The following TSPEAR variants were observed in gnomAD, a reference collection of about 807,000 sequenced individuals.
The protein encoded by TSPEAR is thrombospondin-type laminin G domain and EAR repeat-containing protein.
A neutral mutation model predicts 71.6 loss-of-function variants in TSPEAR; 69 were observed. The observed-to-expected ratio is 0.96, with a 90% CI of 0.79 to 1.18. The LOEUF (loss-of-function observed/expected upper bound fraction) is 1.18. TSPEAR is among the 50% of genes most tolerant of loss of function. The probability of loss-of-function intolerance (pLI) is 0.00; values close to 1 mark genes in which losing one functional copy is unlikely to be tolerated. For synonymous variants in TSPEAR, 402 were observed against 387.2 expected (o/e 1.04, Z -0.45); for missense variants, 971 against 894.9 (o/e 1.09, Z -1.09).
chr21:44,525,154 TTAGTCAGTCAGTCAGTCAGTGAAG>T (rs2052826716), intron 8 of TSPEAR, among the ~76,000 whole-genome samples: 1 of 151,422 alleles, frequency 6.6e-6, no homozygotes, highest in South Asian at 2.1e-4. Flanking sequence ...AGTCAGGTAG[TTAGTCAGTCAGTCAGTCAGTGAAG>T]TAGTCAGTCA....
intron 1 of TSPEAR, among the ~76,000 whole-genome samples, chr21:44,707,012 C>A (rs1987958415): frequency 6.6e-6 from 1 of 152,262 alleles, no homozygotes; most frequent in Non-Finnish European, 1.5e-5. Context: ...TCCGCCCCTG[C>A]CCGGCTTTCC....
intron 2 of TSPEAR, among the ~76,000 whole-genome samples, chr21:44,536,959 G>C (rs1212118015): frequency 6.6e-6 from 1 of 152,108 alleles, no homozygotes; most frequent in African/African-American, 2.4e-5. Context: ...ATTCACACTA[G>C]TAAAACATCC....
chr21:44,533,874 A>G lies in TSPEAR; in HGVS notation c.353T>C (p.Leu118Pro), dbSNP rs1268902887. 6.2e-7 allele frequency: 1 copy of G among 1,612,270 alleles called. No homozygotes were observed. Among genetic ancestry groups the G allele is most frequent in the Non-Finnish European group, 8.5e-7 (1 of 1,179,860 alleles). Residue 118 changes from leucine to proline, a missense_variant, in exon 3 of 12, where the codon CTG becomes CCG. Physicochemically the swap from Leu to Pro is moderately conservative, Grantham distance 98. Coordinates refer to ENST00000323084, the MANE Select transcript of TSPEAR (RefSeq NM_144991.3). ...TVVAEESDLL[L>P]LGLRLSPAQL... The stretch of plus-strand genomic sequence containing the variant: ...GGCAGGTGACAACCGCAGGCCGAGC[A>G]GCAGCAGGTCGCTCTCCTCTGCCAC...
chr21:44,521,327 C>T (rs1040913186), intron 9 of TSPEAR, among the ~76,000 whole-genome samples: 1 of 152,192 alleles, frequency 6.6e-6, no homozygotes, highest in Non-Finnish European at 1.5e-5. Context: ...GCTGTCCCTG[C>T]CCCTGGAGGT....
rs1334931166 is a variant in TSPEAR at position 44,642,655 on chromosome 21, A to G, written c.82+68778T>C. On this transcript the variant is annotated intron_variant, in intron 1 of 11. Coordinates refer to ENST00000323084, the MANE Select transcript of TSPEAR (RefSeq NM_144991.3). This position sits in a 1 kb window ranked among gnomAD's most constrained non-coding sequence, Gnocchi z 4.1. The stretch of plus-strand genomic sequence containing the variant: ...TCAGGAGATCGAGACCATCCTGGCT[A>G]ACACGGTGAAACCCCGTCTCTACTA... Among the ~76,000 whole-genome samples the G allele has an allele frequency of 1.3e-5, 2 of 152,170 alleles. No individual in the cohort carries two copies. Among genetic ancestry groups the G allele is most frequent in the Non-Finnish European group, 2.9e-5 (2 of 68,044 alleles).
At chr21:44,561,049 G>T (rs1569187248) in intron 2 of TSPEAR, among the ~76,000 whole-genome samples, 1 of 152,032 alleles carries the variant, frequency 6.6e-6, no homozygotes, top group African/African-American at 2.4e-5. Context: ...CCAGGAGCTG[G>T]TTTTTTGAAA....
intron 2 of TSPEAR, among the ~76,000 whole-genome samples, chr21:44,549,207 A>G (rs1441967546): frequency 6.6e-6 from 1 of 152,186 alleles, no homozygotes; most frequent in Non-Finnish European, 1.5e-5. Flanking sequence ...TCTTTTCTCA[A>G]ATAAGGAAAG....
At chr21:44,678,594 C>G (rs1455714479) in intron 1 of TSPEAR, among the ~76,000 whole-genome samples, 1 of 152,144 alleles carries the variant, frequency 6.6e-6, no homozygotes, top group Non-Finnish European at 1.5e-5. Context: ...ACTAATACAC[C>G]TATTCAACAT....
chr21:44,603,252 C>A (rs1356833980), intron 1 of TSPEAR, among the ~76,000 whole-genome samples: 6 of 152,150 alleles, frequency 3.9e-5, no homozygotes, highest in Non-Finnish European at 8.8e-5. Context: ...CACTCCTCTG[C>A]CCCTACCCCG....
intron 2 of TSPEAR, chr21:44,558,186 C>A: frequency 6.5e-7 from 1 of 1,546,828 alleles, no homozygotes; most frequent in Non-Finnish European, 8.8e-7. Flanking sequence ...AGGGGCACAG[C>A]AGGAGGGGAT....
intron 1 of TSPEAR, chr21:44,666,267 G>T: frequency 1.3e-6 from 1 of 773,644 alleles, no homozygotes; most frequent in Non-Finnish European, 2.0e-6. Flanking sequence ...CTGGGGGGAT[G>T]GGCAAGGTCA....
At chr21:44,576,397 G>A (rs1272084272) in intron 1 of TSPEAR, among the ~76,000 whole-genome samples, 16 of 147,516 alleles carry the variant, frequency 1.1e-4, no homozygotes, top group African/African-American at 2.5e-4. Context: ...ACACACGGAC[G>A]TCCCAGGGTG....
chr21:44,602,873 TCC>T (rs1981059915), intron 1 of TSPEAR, among the ~76,000 whole-genome samples: 1 of 152,052 alleles, frequency 6.6e-6, no homozygotes, highest in South Asian at 2.1e-4. Context: ...CTCAGTGTCC[TCC>T]CTGTGGGAAA....
intron 1 of TSPEAR, among the ~76,000 whole-genome samples, chr21:44,689,509 A>C (rs1222569085): frequency 6.6e-6 from 1 of 151,312 alleles, no homozygotes; most frequent in Non-Finnish European, 1.5e-5. Context: ...CTCGAATAAA[A>C]AAAAAAAAAG....
At chr21:44,550,982 G>A (rs1555918656) in intron 2 of TSPEAR, 1 of 1,608,166 alleles carries the variant, frequency 6.2e-7, no homozygotes, top group East Asian at 2.2e-5. Context: ...AGCATGAAGA[G>A]GATGACTCAG....
At chr21:44,512,498 G>C (rs1030497373) in intron 9 of TSPEAR, among the ~76,000 whole-genome samples, 3 of 152,166 alleles carry the variant, frequency 2.0e-5, no homozygotes, top group African/African-American at 7.2e-5. Flanking sequence ...CCTAGGCATG[G>C]GTGGCACACG....
At chr21:44,510,818 A>G (rs1161873109) in intron 9 of TSPEAR, 1 of 152,312 alleles carries the variant, frequency 6.6e-6, no homozygotes, top group African/African-American at 2.4e-5. Flanking sequence ...AAGCTAAGAA[A>G]GCAAGACTCA....
intron 2 of TSPEAR, among the ~76,000 whole-genome samples, chr21:44,534,476 T>A (rs2053053900): frequency 1.4e-5 from 2 of 145,506 alleles, no homozygotes; most frequent in Admixed American, 1.4e-4. Flanking sequence ...GGGGTGGGGC[T>A]GGTATGTGAC....
chr21:44,633,345 T>C (rs1983363350), intron 1 of TSPEAR, among the ~76,000 whole-genome samples: 1 of 152,182 alleles, frequency 6.6e-6, no homozygotes, highest in African/African-American at 2.4e-5. Context: ...ATCTTTCTTG[T>C]TTTTTAATAT....
Sources: gnomAD v4.1 joint callset for allele counts (sites outside exome capture counted in the v4.1 genomes callset) on GRCh38, gnomAD v4.1.1 for gene constraint, Gnocchi (gnomAD v3.1) non-coding constraint, MANE v1.5 for transcripts, NCBI Gene and HGNC (gene_info 2026-07-23, HGNC 2026-07-21) for gene names.